Variants in CLEC16A observed in about 807,000 individuals in gnomAD.
The protein encoded by CLEC16A is C-type lectin domain containing 16A.
Under a neutral mutation model 109.5 loss-of-function variants are expected in CLEC16A, and 51 were observed. That is an observed-to-expected ratio of 0.47 (90% CI 0.37 to 0.59). The LOEUF (loss-of-function observed/expected upper bound fraction) is 0.59. Among genes scored for constraint, CLEC16A ranks in the 20% least tolerant of loss-of-function variants. The pLI is 0.00. For missense variants in CLEC16A, 1,339 were observed against 1,394.0 expected (o/e 0.96, Z 0.63); for synonymous variants, 673 against 564.2 (o/e 1.19, Z -2.73).
chr16:11,099,005 C>T (rs1182812823), intron 19 of CLEC16A, among the ~76,000 whole-genome samples: 1 of 152,236 alleles, frequency 6.6e-6, no homozygotes, highest in Non-Finnish European at 1.5e-5. Flanking sequence ...TGCTCTGTGA[C>T]ACGGAGAGAC....
At chr16:11,110,995 T>G (rs2051548097) in intron 19 of CLEC16A, among the ~76,000 whole-genome samples, 1 of 152,188 alleles carries the variant, frequency 6.6e-6, no homozygotes, top group Non-Finnish European at 1.5e-5. Context: ...TTGTGCTAGT[T>G]TCCCTTCATT....
chr16:11,017,248 A>G (rs906120623), intron 11 of CLEC16A, among the ~76,000 whole-genome samples: 18 of 152,214 alleles, frequency 1.2e-4, no homozygotes, highest in South Asian at 2.1e-4. Context: ...TATCACTTCA[A>G]GAGATACTTA....
Position 11,039,849 on chromosome 16 carries a change from A to C in CLEC16A, c.1633A>C (p.Arg545=), listed in dbSNP as rs757795232. 1.2e-6 allele frequency: 2 copies of C among 1,612,694 alleles called. No homozygotes were observed. Among genetic ancestry groups the C allele is most frequent in the African/African-American group, 2.7e-5 (2 of 74,888 alleles). Reference sequence around the variant, plus strand: ...CCACCCGCTAGCTGAAAGACTCATCAGGATCATGAACAACGCTGCCCAGCC... The same window carrying C: ...CCACCCGCTAGCTGAAAGACTCATCCGGATCATGAACAACGCTGCCCAGCC... ...YNHPLAERLI[R]IMNNAAQPDG... Residue 545 remains arginine, a synonymous_variant, in exon 14 of 24, where the codon AGG becomes CGG. Transcript: ENST00000409790.
chr16:11,175,166 A>T (rs1303462865), intron 23 of CLEC16A, among the ~76,000 whole-genome samples: 2 of 152,140 alleles, frequency 1.3e-5, no homozygotes, highest in Non-Finnish European at 2.9e-5. Flanking sequence ...CATTTGCTTG[A>T]CAAGGATGTG....
chr16:11,076,367 C>T (rs747591941), intron 19 of CLEC16A, among the ~76,000 whole-genome samples: 14 of 152,108 alleles, frequency 9.2e-5, no homozygotes, highest in East Asian at 1.9e-4. Context: ...ATCTGGCTGA[C>T]GGGGAGGGGA....
rs1015345976 is a variant in CLEC16A, at chr16:10,958,771, G to C, written c.209+861G>C. Among the ~76,000 whole-genome samples, 9 of 152,274 alleles carry C rather than the reference G, an allele frequency of 5.9e-5. No homozygotes were observed. The South Asian group carries it at 1.9e-3, about 32-fold the overall frequency. The stretch of plus-strand genomic sequence containing the variant: ...ATTAAAAAATTAGTCATGCATGGTT[G>C]TGTGTGCCTGTGTTCCCAGCTACTC... On this transcript the variant is annotated intron_variant, in intron 2 of 23. Coordinates refer to ENST00000409790, the MANE Select transcript of CLEC16A (RefSeq NM_015226.3).
At chr16:11,088,850 T>C (rs2050152076) in intron 19 of CLEC16A, among the ~76,000 whole-genome samples, 1 of 152,226 alleles carries the variant, frequency 6.6e-6, no homozygotes, top group Non-Finnish European at 1.5e-5. Context: ...TTTCGGGTTT[T>C]CCTTTTGTTG....
At chr16:11,044,170 G>T (rs1233541984) in intron 16 of CLEC16A, 98 bp downstream of exon 16, 1 of 1,046,400 alleles carries the variant, frequency 9.6e-7, no homozygotes, top group African/African-American at 1.6e-5. Flanking sequence ...TATGTCTTCA[G>T]TTATTTTTTA....
chr16:11,022,143 A>C (rs1203131073), intron 12 of CLEC16A, among the ~76,000 whole-genome samples: 1 of 152,136 alleles, frequency 6.6e-6, no homozygotes, highest in Non-Finnish European at 1.5e-5. Flanking sequence ...GGCCGCATGC[A>C]GTCCTGGGAA....
At chr16:10,968,041 A>G (rs1043014337) in intron 3 of CLEC16A, among the ~76,000 whole-genome samples, 1 of 152,190 alleles carries the variant, frequency 6.6e-6, no homozygotes, top group African/African-American at 2.4e-5. Context: ...GCTCCAAACC[A>G]TGCCCCCAGC....
chr16:11,133,158 G>A (rs1205085191), intron 22 of CLEC16A, among the ~76,000 whole-genome samples: 1 of 152,070 alleles, frequency 6.6e-6, no homozygotes, highest in Non-Finnish European at 1.5e-5. Context: ...GGCCGACATG[G>A]CGAAACCTCG....
intron 22 of CLEC16A, among the ~76,000 whole-genome samples, chr16:11,149,420 T>G (rs1451105146): frequency 6.6e-6 from 1 of 152,232 alleles, no homozygotes; most frequent in Non-Finnish European, 1.5e-5. Context: ...TATTTCTGTT[T>G]ATTTTCCACT....
In CLEC16A at chr16:10,944,744, G is replaced by A; in HGVS notation, c.27G>A (p.Val9=). 2 of 1,609,424 alleles carry A rather than the reference G, an allele frequency of 1.2e-6. No individual in the cohort carries two copies. The highest frequency in any genetic ancestry group is 1.7e-6 in the Non-Finnish European group (2 of 1,178,736). The change falls in exon 1 of 24, where the codon GTG becomes GTA. Residue 9 remains valine, a synonymous_variant. Transcript: ENST00000409790. MFGRSRSW[V]GGGHGKTSRN... ...TGTTTGGCCGCTCGCGGAGCTGGGT[G>A]GGCGGGGGCCATGGCAAGACTTCCC... is the stretch of plus-strand genomic sequence containing the variant.
intron 11 of CLEC16A, 119 bp downstream of exon 11, chr16:11,003,424 C>T (rs772324394): frequency 8.1e-6 from 6 of 742,112 alleles, no homozygotes; most frequent in African/African-American, 5.3e-5. Flanking sequence ...GCCAGTGATT[C>T]GATTCCTACC....
chr16:11,083,371 C>G (rs142845122), intron 19 of CLEC16A, among the ~76,000 whole-genome samples: 1 of 152,166 alleles, frequency 6.6e-6, no homozygotes, highest in Non-Finnish European at 1.5e-5. Context: ...GCCATTTTGC[C>G]CAGGCTAGTC....
chr16:11,170,278 AGAAGGCTGGGTGGT>A (rs1394378993), intron 23 of CLEC16A, among the ~76,000 whole-genome samples: 1 of 152,200 alleles, frequency 6.6e-6, no homozygotes, highest in Non-Finnish European at 1.5e-5. Context: ...CCCAGCCAGC[AGAAGGCTGGGTGGT>A]GTGAACCCCT....
At chr16:11,139,887 C>G (rs1245943248) in intron 22 of CLEC16A, among the ~76,000 whole-genome samples, 1 of 152,140 alleles carries the variant, frequency 6.6e-6, no homozygotes, top group Non-Finnish European at 1.5e-5. Context: ...TATTGAATGC[C>G]AACTATGTGC....
chr16:10,991,986 C>A (rs769169509), intron 10 of CLEC16A, among the ~76,000 whole-genome samples: 1 of 152,136 alleles, frequency 6.6e-6, no homozygotes, highest in Admixed American at 6.5e-5. Flanking sequence ...GTGGGAGTTT[C>A]CCTAGAGAGT....
chr16:11,173,749 C>G lies in CLEC16A; in HGVS notation c.2807-4586C>G, dbSNP rs373942295. Among the ~76,000 whole-genome samples, 23 of 152,254 alleles carry G rather than the reference C, an allele frequency of 1.5e-4. No homozygotes were observed. In the South Asian group the frequency reaches 4.8e-3, roughly 32 times the overall value. On this transcript the variant is annotated intron_variant, in intron 23 of 23. Transcript: ENST00000409790. ...CACTGTCCTGAGGATGCCGGGTTTT[C>G]GTGTCCTGACTCCTGGGCCATGTCT... is the stretch of plus-strand genomic sequence containing the variant.
Sources: gnomAD v4.1 joint callset for allele counts (sites outside exome capture counted in the v4.1 genomes callset) on GRCh38, gnomAD v4.1.1 for gene constraint, MANE v1.5 for transcripts, NCBI Gene and HGNC (gene_info 2026-07-23, HGNC 2026-07-21) for gene names.